The following ADGRA3 variants were observed in gnomAD, a reference collection of about 807,000 sequenced individuals.
The protein encoded by ADGRA3 is G-protein coupled receptor 125.
ADGRA3 carries 56 observed loss-of-function variants against 119.8 expected under a neutral mutation model. That is an observed-to-expected ratio of 0.47 (90% CI 0.38 to 0.58). ADGRA3 has a LOEUF of 0.58. Ranked by LOEUF, ADGRA3 falls within the 20% of genes least tolerant of loss-of-function variation. ADGRA3 has a pLI of 0.00. For synonymous variants in ADGRA3, 607 were observed against 623.8 expected, an observed-to-expected ratio of 0.97 and a Z score of 0.40; for missense variants, 1,516 against 1,649.0, an observed-to-expected ratio of 0.92 and a Z score of 1.40.
At position 22,425,453 on chromosome 4, in the gene ADGRA3, A is replaced by G. The variant is rs571112130; in HGVS notation, c.1444-1101T>C. 5.3e-5 allele frequency among the ~76,000 whole-genome samples: 8 copies of G among 152,332 alleles called. No homozygotes were observed. In the South Asian group the frequency reaches 1.5e-3, roughly 28 times the overall value. On this transcript the variant is annotated intron_variant, in intron 10 of 18. Transcript: ENST00000334304. ...TAACTCATACGTCTCACCTGAGAGA[A>G]ATAAATTGAACCGTCTAGGGCTAAT...
intron 2 of ADGRA3, among the ~76,000 whole-genome samples, chr4:22,469,315 A>C (rs758730053): frequency 3.9e-5 from 6 of 152,174 alleles, no homozygotes; most frequent in Non-Finnish European, 8.8e-5. Context: ...CTATTTTCTC[A>C]ATCACTAGAC....
intron 1 of ADGRA3, among the ~76,000 whole-genome samples, chr4:22,513,996 T>A (rs1039646696): frequency 8.5e-5 from 13 of 152,310 alleles, no homozygotes; most frequent in Middle Eastern, 3.4e-3. Flanking sequence ...TATTTTTTTC[T>A]GCAACGCAAA....
chr4:22,511,257 T>C (rs1719437272), intron 1 of ADGRA3, among the ~76,000 whole-genome samples: 1 of 152,138 alleles, frequency 6.6e-6, no homozygotes, highest in Non-Finnish European at 1.5e-5. Context: ...AGATTTAATA[T>C]AAATCACAGA....
At chr4:22,473,696 CAGATTTACAATGA>C (rs1210523538) in intron 2 of ADGRA3, 63 bp downstream of exon 2, 74 of 835,236 alleles carry the variant, frequency 8.9e-5, no homozygotes, top group Non-Finnish European at 1.2e-4. Context: ...AATTTAGTCA[CAGATTTACAATGA>C]AGATTTACAA....
chr4:22,499,830 G>A (rs1308812417), intron 1 of ADGRA3, among the ~76,000 whole-genome samples: 1 of 152,160 alleles, frequency 6.6e-6, no homozygotes, highest in Non-Finnish European at 1.5e-5. Context: ...TCCTTCAACA[G>A]TTGTTAGTTA....
rs1184421109 is a variant in ADGRA3 at position 22,455,030 on chromosome 4, G to A, written c.402-93C>T. 6.1e-6 allele frequency: 5 copies of A among 815,354 alleles called. No homozygotes were observed. The East Asian group carries it at 1.0e-4, about 16-fold the overall frequency. 50.5% of individuals were successfully genotyped at this position (815,354 alleles called of 1,614,324 possible). On this transcript the variant is annotated intron_variant, in intron 3 of 18. Coordinates refer to ENST00000334304, the MANE Select transcript of ADGRA3 (RefSeq NM_145290.4). ...TATTCAAGAACAGCACCCAGGTATC[G>A]CACAAGACCTTTATTCTAGCAACTT...
chr4:22,477,164 C>T (rs964781726), intron 1 of ADGRA3, among the ~76,000 whole-genome samples: 38 of 152,154 alleles, frequency 2.5e-4, no homozygotes, highest in African/African-American at 8.2e-4. Context: ...GATTAAAGAG[C>T]CACATTTATT....
rs879252809 is a variant in ADGRA3 at position 22,388,708 on chromosome 4, T to C, written c.2963A>G (p.Asn988Ser). 1 of 1,614,088 alleles carries C rather than the reference T, an allele frequency of 6.2e-7. No individual in the cohort carries two copies. Among genetic ancestry groups the C allele is most frequent in the South Asian group, 1.1e-5 (1 of 91,078 alleles). ...GAGCTGAGAATGAAAAGTGTGCTCATTTTCCAAGGCTGATGTAGAAATCAG... is the reference window on the plus strand; with the variant it reads ...GAGCTGAGAATGAAAAGTGTGCTCACTTTCCAAGGCTGATGTAGAAATCAG... ...LSLISTSALE[N>S]EHTFHSQLLG... The change falls in exon 19 of 19, where the codon AAT becomes AGT. Residue 988 changes from asparagine (N) to serine (S), a missense_variant. Around this residue, in one of 2 missense-constraint regions of ADGRA3, gnomAD observed 1,088 missense variants for 1,107.1 expected, o/e 0.98. Coordinates refer to ENST00000334304, the MANE Select transcript of ADGRA3 (RefSeq NM_145290.4).
At chr4:22,453,005 T>A (rs367630890) in intron 4 of ADGRA3, among the ~76,000 whole-genome samples, 1 of 151,472 alleles carries the variant, frequency 6.6e-6, no homozygotes, top group Admixed American at 6.6e-5. Flanking sequence ...AAGACCAGCC[T>A]GGCCAAGATG....
chr4:22,412,266 TATA>T (rs1377945838), intron 14 of ADGRA3, among the ~76,000 whole-genome samples: 1 of 152,132 alleles, frequency 6.6e-6, no homozygotes, highest in Non-Finnish European at 1.5e-5. Flanking sequence ...TGTCAGTATT[TATA>T]ATAATTACAA....
chr4:22,412,363 C>G (rs1354636745), intron 14 of ADGRA3, among the ~76,000 whole-genome samples: 3 of 152,132 alleles, frequency 2.0e-5, no homozygotes, highest in African/African-American at 7.2e-5. Flanking sequence ...AATAAAAACA[C>G]TTGCTCCTGT....
rs1355146073 is a variant in ADGRA3 at position 22,424,229 on chromosome 4, T to C, written c.1567A>G (p.Thr523Ala). 3 of 1,612,698 alleles carry C rather than the reference T, an allele frequency of 1.9e-6. No homozygotes were observed. The highest frequency in any genetic ancestry group is 2.5e-6 in the Non-Finnish European group (3 of 1,179,540). The change falls in exon 11 of 19, where the codon ACC becomes GCC. Residue 523 changes from threonine to alanine, a missense_variant. Thr to Ala is a moderately conservative substitution (Grantham distance 58). Transcript: ENST00000334304. ...RIVQCLQRIA[T>A]YRLAGGAHVY... is the part of the protein sequence containing the mutation. ...TGAGCTCCACCGGCTAGCCGGTAGG[T>C]AGCAATGCGCTGAAGACACTGCACA... is the stretch of plus-strand genomic sequence containing the variant.
chr4:22,495,293 G>A (rs995121982), intron 1 of ADGRA3, among the ~76,000 whole-genome samples: 1 of 151,996 alleles, frequency 6.6e-6, no homozygotes, highest in Non-Finnish European at 1.5e-5. Context: ...AAAACTTATG[G>A]CTGCGCACAG....
chr4:22,488,945 G>C (rs1718532497), intron 1 of ADGRA3, among the ~76,000 whole-genome samples: 1 of 152,146 alleles, frequency 6.6e-6, no homozygotes. Flanking sequence ...AGGTTATAGG[G>C]ACTGAGGGAG....
chr4:22,488,126 T>C (rs1718499149), intron 1 of ADGRA3, among the ~76,000 whole-genome samples: 1 of 152,174 alleles, frequency 6.6e-6, no homozygotes, highest in South Asian at 2.1e-4. Flanking sequence ...CAGCAAACTG[T>C]AGCCTGTAAA....
rs1324783599 is a variant in ADGRA3 at position 22,424,307 on chromosome 4, C to T, written c.1489G>A (p.Asp497Asn). ...VDIASNIMLA[D>N]ERVLWLAQRE... ...TGCGCCAGCCACAGGACACGTTCAT[C>T]AGCCAACATGATGTTACTTGCAATG... Residue 497 changes from aspartate (D) to asparagine (N), a missense_variant, in exon 11 of 19, where the codon GAT (aspartate) becomes AAT (asparagine). Physicochemically the swap from Asp to Asn is conservative, Grantham distance 23. This residue lies in a region of ADGRA3 where 1,088 missense variants were observed against 1,107.1 expected (regional missense o/e 0.98). Coordinates refer to ENST00000334304, the MANE Select transcript of ADGRA3 (RefSeq NM_145290.4). 6.2e-7 allele frequency: 1 copy of T among 1,613,934 alleles called. No individual in the cohort carries two copies. The highest frequency in any genetic ancestry group is 1.1e-5 in the South Asian group (1 of 91,054).
chr4:22,392,952 G>T, intron 16 of ADGRA3: 1 of 341,364 alleles, frequency 2.9e-6, no homozygotes, highest in Non-Finnish European at 5.3e-6. Context: ...CTTAATACAG[G>T]ACAGAACTGG....
chr4:22,400,587 T>C (rs1055705759), intron 16 of ADGRA3, among the ~76,000 whole-genome samples: 1 of 152,156 alleles, frequency 6.6e-6, no homozygotes, highest in East Asian at 1.9e-4. Flanking sequence ...GTTTCAATTA[T>C]ACAAGATGAA....
At chr4:22,468,684 G>A (rs997885559) in intron 2 of ADGRA3, among the ~76,000 whole-genome samples, 6 of 151,368 alleles carry the variant, frequency 4.0e-5, no homozygotes, top group Non-Finnish European at 8.8e-5. Context: ...CAGGAGAATC[G>A]CTTGAACTTG....
Sources: allele counts gnomAD v4.1 joint callset (sites outside exome capture counted in the v4.1 genomes callset), GRCh38; gene constraint gnomAD v4.1.1; regional missense constraint gnomAD v4.1.1; transcripts MANE v1.5; gene names NCBI Gene and HGNC (gene_info 2026-07-23, HGNC 2026-07-21).